Variants in KYNU observed in about 807,000 individuals in gnomAD.
The protein encoded by KYNU is kynureninase, also known as L-kynurenine hydrolase.
KYNU carries 54 observed loss-of-function variants against 59.2 expected under a neutral mutation model. The ratio of observed to expected loss-of-function variants is 0.91; its 90% CI spans 0.73 to 1.14. The LOEUF is 1.14. KYNU is among the 50% of genes most tolerant of loss of function. KYNU has a pLI of 0.00. For missense variants in KYNU, 567 were observed against 554.4 expected, an observed-to-expected ratio of 1.02 and a Z score of -0.23; for synonymous variants, 177 against 192.0, an observed-to-expected ratio of 0.92 and a Z score of 0.65.
At chr2:142,943,969 A>C (rs1683691388) in intron 4 of KYNU, among the ~76,000 whole-genome samples, 1 of 152,212 alleles carries the variant, frequency 6.6e-6, no homozygotes, top group Non-Finnish European at 1.5e-5. Flanking sequence ...TCCAATGGTA[A>C]ACAGCTTGGG....
intron 10 of KYNU, among the ~76,000 whole-genome samples, chr2:143,015,039 G>A (rs1456223194): frequency 1.3e-5 from 2 of 152,126 alleles, no homozygotes; most frequent in African/African-American, 2.4e-5. Context: ...GACTAAAGGT[G>A]TGTGCCACCA....
intron 4 of KYNU, among the ~76,000 whole-genome samples, chr2:142,952,544 T>C (rs984791925): frequency 6.6e-6 from 1 of 152,080 alleles, no homozygotes; most frequent in Non-Finnish European, 1.5e-5. Flanking sequence ...TCAAGCACTC[T>C]TCCTGTCTCA....
intron 12 of KYNU, among the ~76,000 whole-genome samples, chr2:143,038,058 C>T (rs1573922006): frequency 6.6e-6 from 1 of 152,256 alleles, no homozygotes; most frequent in East Asian, 1.9e-4. Flanking sequence ...GAGAAAGCTT[C>T]AAGAGCAACA....
intron 4 of KYNU, among the ~76,000 whole-genome samples, chr2:142,936,219 A>C (rs2105037094): frequency 6.6e-6 from 1 of 152,342 alleles, no homozygotes; most frequent in South Asian, 2.1e-4. Context: ...ACGCCTGGAC[A>C]TACAGAATTT....
chr2:142,910,747 T>C (rs1300909475), intron 2 of KYNU, among the ~76,000 whole-genome samples: 1 of 152,212 alleles, frequency 6.6e-6, no homozygotes, highest in Non-Finnish European at 1.5e-5. Context: ...TCAATAATTG[T>C]ATTTGGTGAA....
intron 4 of KYNU, among the ~76,000 whole-genome samples, chr2:142,933,490 A>G (rs1026765582): frequency 5.9e-5 from 9 of 152,176 alleles, no homozygotes; most frequent in Admixed American, 2.0e-4. Context: ...CACTAATCCT[A>G]GAAAAGAGAG....
At chr2:143,027,593 C>A (rs1189025149) in intron 10 of KYNU, among the ~76,000 whole-genome samples, 3 of 152,120 alleles carry the variant, frequency 2.0e-5, no homozygotes, top group African/African-American at 7.2e-5. Flanking sequence ...AGTGAAAACT[C>A]TTTCATATGG....
intron 3 of KYNU, among the ~76,000 whole-genome samples, chr2:142,920,169 T>G (rs1682827884): frequency 6.6e-6 from 1 of 152,212 alleles, no homozygotes; most frequent in Non-Finnish European, 1.5e-5. Flanking sequence ...AGAACGTAAT[T>G]TCACAACTTG....
chr2:142,937,056 A>G lies in KYNU; in HGVS notation c.373+9315A>G, dbSNP rs1683414726. 3.3e-5 allele frequency among the ~76,000 whole-genome samples: 5 copies of G among 152,086 alleles called. No individual in the cohort carries two copies. In the South Asian group the frequency reaches 1.0e-3, roughly 32 times the overall value. On this transcript the variant is annotated intron_variant, in intron 4 of 13. Transcript: ENST00000264170. ...ATAAAGGTTTTATAGTCTCCTGTAAACAGGAAGTGTTCTAGTCTGTCGTAA... is the reference window on the plus strand; with the variant it reads ...ATAAAGGTTTTATAGTCTCCTGTAAGCAGGAAGTGTTCTAGTCTGTCGTAA...
chr2:142,983,998 T>C (rs1320279411), intron 8 of KYNU, among the ~76,000 whole-genome samples: 1 of 152,018 alleles, frequency 6.6e-6, no homozygotes, highest in African/African-American at 2.4e-5. Context: ...TGAATAGCCT[T>C]TCCGTCAATT....
chr2:143,036,227 A>G (rs1274085776), intron 12 of KYNU, among the ~76,000 whole-genome samples: 1 of 151,924 alleles, frequency 6.6e-6, no homozygotes, highest in African/African-American at 2.4e-5. Context: ...TAGTAAGGCC[A>G]TTTTTACTTC....
intron 12 of KYNU, among the ~76,000 whole-genome samples, chr2:143,036,666 G>A (rs1052154494): frequency 5.9e-5 from 9 of 152,202 alleles, no homozygotes; most frequent in Admixed American, 4.6e-4. Context: ...TTGCTTCTAA[G>A]AGAAGTTACT....
chr2:142,985,263 T>C, intron 9 of KYNU, 81 bp downstream of exon 9: 1 of 849,948 alleles, frequency 1.2e-6, no homozygotes, highest in Admixed American at 1.7e-5. Context: ...TGTGGGCCAA[T>C]TTTAAAGATT....
At position 143,055,783 on chromosome 2, in the gene KYNU, C is replaced by A. The variant is rs545929663; in HGVS notation, c.*13611C>A. 5 of 152,148 alleles carry A rather than the reference C, an allele frequency of 3.3e-5. No individual in the cohort carries two copies. In the East Asian group the frequency reaches 9.7e-4, roughly 29 times the overall value. The allele number at this position is 152,148 out of a possible 1,614,324, so 9.4% of individuals were successfully genotyped here. ...AACTGGGTGAATAATATGTGGAATTCTCTCTATTTTTGTTAATGTTGGAAA... is the reference window on the plus strand; with the variant it reads ...AACTGGGTGAATAATATGTGGAATTATCTCTATTTTTGTTAATGTTGGAAA... On this transcript the variant is annotated 3_prime_UTR_variant, in exon 14 of 14. Coordinates refer to ENST00000264170, the MANE Select transcript of KYNU (RefSeq NM_003937.3).
intron 1 of KYNU, among the ~76,000 whole-genome samples, chr2:142,881,045 A>T (rs925416674): frequency 6.6e-6 from 1 of 152,260 alleles, no homozygotes; most frequent in Admixed American, 6.5e-5. Flanking sequence ...TGCCTGAGAC[A>T]TCCTAACAGG....
intron 1 of KYNU, among the ~76,000 whole-genome samples, chr2:142,880,358 G>T (rs1041926014): frequency 2.6e-5 from 4 of 152,188 alleles, no homozygotes; most frequent in Admixed American, 6.5e-5. Context: ...GTTGCATGAA[G>T]GATTCAGTGA....
chr2:142,879,575 G>C (rs1681220081), intron 1 of KYNU: 1 of 152,268 alleles, frequency 6.6e-6, no homozygotes, highest in Non-Finnish European at 1.5e-5. Context: ...TAAAGTGAGA[G>C]GTTCAAGGCT....
chr2:143,018,944 T>C (rs767858451), intron 10 of KYNU, among the ~76,000 whole-genome samples: 2 of 152,174 alleles, frequency 1.3e-5, no homozygotes, highest in South Asian at 2.1e-4. Flanking sequence ...TTGATTGTTA[T>C]TGATGTATAG....
In KYNU at chr2:142,927,715, T is replaced by C. The variant is rs369102028; in HGVS notation, c.347T>C (p.Ile116Thr). ...CCTTGGATTACAGGAGATGAGAGTA[T>C]TGTAGGCCTTATGAAGGACATTGTA... The part of the protein sequence containing the change: ...KRPWITGDES[I>T]VGLMKDIVGA... Residue 116 changes from isoleucine (I) to threonine (T), a missense_variant, in exon 4 of 14, where the codon ATT becomes ACT. Physicochemically the swap from Ile to Thr is moderately conservative, Grantham distance 89. Transcript: ENST00000264170. 16 of 1,612,130 alleles carry C rather than the reference T, an allele frequency of 9.9e-6. No individual in the cohort carries two copies. The highest frequency in any genetic ancestry group is 1.1e-5 in the Non-Finnish European group (13 of 1,178,464).
Sources: allele counts gnomAD v4.1 joint callset (sites outside exome capture counted in the v4.1 genomes callset), GRCh38; gene constraint gnomAD v4.1.1; transcripts MANE v1.5; gene names NCBI Gene and HGNC (gene_info 2026-07-23, HGNC 2026-07-21).